The following GPC5 variants were observed in gnomAD, a reference collection of about 807,000 sequenced individuals.
GPC5 encodes the protein glypican 5.
In GPC5, 47 loss-of-function variants were observed where a neutral mutation model predicts 53.9. The observed-to-expected ratio is 0.87, with a 90% CI of 0.69 to 1.11. The LOEUF is 1.11. Ranked by LOEUF, GPC5 falls within the 50% of genes most tolerant of loss-of-function variation. GPC5 has a pLI of 0.00. For synonymous variants in GPC5, 286 were observed against 263.3 expected, an observed-to-expected ratio of 1.09 and a Z score of -0.84; for missense variants, 748 against 713.1, an observed-to-expected ratio of 1.05 and a Z score of -0.56.
At chr13:91,566,368 A>G (rs1044363446) in intron 2 of GPC5, among the ~76,000 whole-genome samples, 1 of 152,084 alleles carries the variant, frequency 6.6e-6, no homozygotes, top group Admixed American at 6.6e-5. Context: ...GATCGAGACC[A>G]TTCTGGCCAA....
chr13:92,085,394 A>G (rs1276304730), intron 6 of GPC5, among the ~76,000 whole-genome samples: 1 of 152,226 alleles, frequency 6.6e-6, no homozygotes, highest in Non-Finnish European at 1.5e-5. Flanking sequence ...CCAAAAATAT[A>G]TTGTGAAGAC....
At chr13:91,806,126 C>T (rs1441720722) in intron 5 of GPC5, among the ~76,000 whole-genome samples, 2 of 149,412 alleles carry the variant, frequency 1.3e-5, no homozygotes, top group Non-Finnish European at 3.0e-5. Context: ...ACCTCCACCT[C>T]CCGGATTCAA....
intron 7 of GPC5, among the ~76,000 whole-genome samples, chr13:92,417,671 G>A (rs1876373884): frequency 2.0e-5 from 3 of 152,052 alleles, no homozygotes; most frequent in South Asian, 2.1e-4. Context: ...CGAGGATTTC[G>A]AGGCCAACCT....
intron 5 of GPC5, among the ~76,000 whole-genome samples, chr13:91,890,459 T>G (rs544863137): frequency 6.6e-6 from 1 of 152,252 alleles, no homozygotes; most frequent in South Asian, 2.1e-4. Context: ...TGTCTTGGGT[T>G]GTTGGTCTGA....
intron 3 of GPC5, among the ~76,000 whole-genome samples, chr13:91,723,308 C>G (rs919901785): frequency 6.6e-6 from 1 of 151,938 alleles, no homozygotes; most frequent in Non-Finnish European, 1.5e-5. Flanking sequence ...CTGCCATTTA[C>G]ATTTTATATA....
chr13:92,024,155 G>A (rs1466212581), intron 6 of GPC5, among the ~76,000 whole-genome samples: 1 of 152,024 alleles, frequency 6.6e-6, no homozygotes, highest in African/African-American at 2.4e-5. Flanking sequence ...TTCAGAAAGA[G>A]GGCTATGCTT....
intron 7 of GPC5, among the ~76,000 whole-genome samples, chr13:92,150,162 G>A (rs1018436528): frequency 1.6e-4 from 25 of 151,830 alleles, no homozygotes; most frequent in African/African-American, 5.5e-4. Flanking sequence ...TCTTTGGAAG[G>A]TTCATTAGAT....
chr13:91,461,754 C>A (rs966763194), intron 2 of GPC5, among the ~76,000 whole-genome samples: 4 of 151,888 alleles, frequency 2.6e-5, no homozygotes, highest in African/African-American at 4.8e-5. Flanking sequence ...CGTGTTATGG[C>A]AAATGGTATG....
At chr13:91,795,454 A>AT (rs1252729818) in intron 5 of GPC5, among the ~76,000 whole-genome samples, 2 of 152,102 alleles carry the variant, frequency 1.3e-5, no homozygotes, top group Non-Finnish European at 2.9e-5. Flanking sequence ...TTAAATAGAT[A>AT]TTTTTATTGC....
chr13:92,155,183 G>A (rs990084023), intron 7 of GPC5, among the ~76,000 whole-genome samples: 2 of 152,058 alleles, frequency 1.3e-5, no homozygotes, highest in African/African-American at 4.8e-5. Context: ...GAGACTTTGT[G>A]TCCTTTAGTC....
At chr13:92,373,420 T>A (rs1467359198) in intron 7 of GPC5, among the ~76,000 whole-genome samples, 1 of 152,214 alleles carries the variant, frequency 6.6e-6, no homozygotes, top group African/African-American at 2.4e-5. Flanking sequence ...CATTGTCCAC[T>A]GAACCAACTG....
intron 7 of GPC5, among the ~76,000 whole-genome samples, chr13:92,276,802 T>C (rs535270200): frequency 9.9e-5 from 15 of 152,200 alleles, no homozygotes; most frequent in Middle Eastern, 3.4e-3. Context: ...TTTATTAACA[T>C]TGCCAAACAT....
chr13:91,739,286 C>T (rs954729807), intron 4 of GPC5, among the ~76,000 whole-genome samples: 1 of 151,194 alleles, frequency 6.6e-6, no homozygotes, highest in Non-Finnish European at 1.5e-5. Context: ...CTTCACCTGG[C>T]CCTTTTACCT....
At chr13:91,635,453 T>C (rs956465935) in intron 2 of GPC5, among the ~76,000 whole-genome samples, 1 of 152,104 alleles carries the variant, frequency 6.6e-6, no homozygotes, top group African/African-American at 2.4e-5. Flanking sequence ...AATGTGCTGG[T>C]TCATTTTATA....
At chr13:91,799,152 TA>T (rs1298924006) in intron 5 of GPC5, among the ~76,000 whole-genome samples, 2 of 152,128 alleles carry the variant, frequency 1.3e-5, no homozygotes, top group Non-Finnish European at 2.9e-5. Context: ...TATGCAGCCA[TA>T]AAAAAGAATG....
chr13:92,552,641 G>A (rs1882357566), intron 7 of GPC5, among the ~76,000 whole-genome samples: 3 of 151,860 alleles, frequency 2.0e-5, no homozygotes, highest in Admixed American at 6.6e-5. Context: ...TCCATGCTCT[G>A]CATTGATTTC....
At chr13:92,595,716 A>G (rs12871010) in intron 7 of GPC5, among the ~76,000 whole-genome samples, 24,006 of 145,464 alleles carry the variant, frequency 0.17, 2,440 homozygotes, top group Non-Finnish European at 0.23. Flanking sequence ...TGCAGTGAGC[A>G]GAGATCGCGC....
At chr13:92,838,489 A>AC (rs1878302459) in intron 7 of GPC5, among the ~76,000 whole-genome samples, 3 of 112,104 alleles carry the variant, frequency 2.7e-5, no homozygotes, top group African/African-American at 1.3e-4. Context: ...CGCCCCCCCC[A>AC]AAAAAAAAAA....
At chr13:92,256,561 T>A (rs1300130720) in intron 7 of GPC5, among the ~76,000 whole-genome samples, 1 of 152,112 alleles carries the variant, frequency 6.6e-6, no homozygotes, top group East Asian at 1.9e-4. Context: ...TTTTTATTTA[T>A]AATTTTTAAG....
Sources: allele counts gnomAD v4.1 joint callset (sites outside exome capture counted in the v4.1 genomes callset), GRCh38; gene constraint gnomAD v4.1.1; transcripts MANE v1.5; gene names NCBI Gene and HGNC (gene_info 2026-07-23, HGNC 2026-07-21).